The following ARHGAP10 variants were observed in gnomAD, a reference collection of about 807,000 sequenced individuals.
ARHGAP10 encodes the protein Rho GTPase activating protein 10, also known as rho GTPase-activating protein 10.
A neutral mutation model predicts 108.6 loss-of-function variants in ARHGAP10; 87 were observed. The observed-to-expected ratio is 0.80, with a 90% CI of 0.67 to 0.96. The LOEUF (loss-of-function observed/expected upper bound fraction) is 0.96. Among genes scored for constraint, ARHGAP10 ranks in the 40% least tolerant of loss-of-function variants. The pLI is 0.00. For synonymous variants in ARHGAP10, 347 were observed against 341.1 expected, an observed-to-expected ratio of 1.02 and a Z score of -0.19; for missense variants, 939 against 954.5, an observed-to-expected ratio of 0.98 and a Z score of 0.21.
chr4:147,952,912 T>C (rs78854719), intron 15 of ARHGAP10, among the ~76,000 whole-genome samples: 2,509 of 152,126 alleles, frequency 0.016, 53 homozygotes, highest in South Asian at 0.091. Context: ...CTGTGATCCA[T>C]TTTGAGTTAA....
chr4:147,738,782 A>G (rs1728534334), intron 1 of ARHGAP10, among the ~76,000 whole-genome samples: 1 of 152,104 alleles, frequency 6.6e-6, no homozygotes, highest in Non-Finnish European at 1.5e-5. Flanking sequence ...CTAACAGTAT[A>G]TTTCTCCAAA....
chr4:147,779,803 C>T (rs1730456161), intron 1 of ARHGAP10, among the ~76,000 whole-genome samples: 1 of 152,198 alleles, frequency 6.6e-6, no homozygotes, highest in African/African-American at 2.4e-5. Context: ...AATGTTTAAG[C>T]TTTTCATGAT....
In ARHGAP10 at chr4:147,849,656, G is replaced by A. The variant is rs141071171; in HGVS notation, c.384+2434G>A. ...GTAGCCCTTGCCTGAAGCTCTTTCAGTTCCCTGTGCTTTTACCTTCTCCGG... is the reference window on the plus strand; with the variant it reads ...GTAGCCCTTGCCTGAAGCTCTTTCAATTCCCTGTGCTTTTACCTTCTCCGG... On this transcript the variant is annotated intron_variant, in intron 4 of 22. Transcript: ENST00000336498. Among the ~76,000 whole-genome samples, 36 of 152,294 alleles carry A rather than the reference G, an allele frequency of 2.4e-4. No homozygotes were observed. In the East Asian group the frequency reaches 6.2e-3, roughly 26 times the overall value.
intron 20 of ARHGAP10, among the ~76,000 whole-genome samples, chr4:148,057,403 A>G (rs1729410861): frequency 6.6e-6 from 1 of 152,128 alleles, no homozygotes; most frequent in Non-Finnish European, 1.5e-5. Context: ...AGGGTCTGAG[A>G]TCTGTGCTGT....
rs528129509 is a variant in ARHGAP10 at position 148,041,886 on chromosome 4, C to T, written c.1868-5006C>T. Among the ~76,000 whole-genome samples, 27 of 152,338 alleles carry T rather than the reference C, an allele frequency of 1.8e-4. 2 individuals are homozygous for T. The South Asian group carries it at 5.6e-3, about 32-fold the overall frequency. On this transcript the variant is annotated intron_variant, in intron 19 of 22. Coordinates refer to ENST00000336498, the MANE Select transcript of ARHGAP10 (RefSeq NM_024605.4). ...CAATATTGCTTTAAAGAAAAGCCAG[C>T]TCTCTTGGCCGGGAGATCCCTCAAC...
intron 1 of ARHGAP10, among the ~76,000 whole-genome samples, chr4:147,753,833 G>C (rs968286661): frequency 6.6e-6 from 1 of 152,134 alleles, no homozygotes; most frequent in African/African-American, 2.4e-5. Flanking sequence ...GAGTATTGAG[G>C]CTGCACCGTT....
In ARHGAP10 at chr4:147,732,209, C is replaced by T; in HGVS notation, c.-93C>T. On this transcript the variant is annotated 5_prime_UTR_variant, in exon 1 of 23. Transcript: ENST00000336498. ...GGGCCTGCTAGCTCCTCTGTGCTCC[C>T]TGAACGCGCGGCGCCGCACCTGGCA... is the stretch of plus-strand genomic sequence containing the variant. The T allele has an allele frequency of 2.2e-6, 3 of 1,338,044 alleles. No individual in the cohort carries two copies. Among genetic ancestry groups the T allele is most frequent in the Non-Finnish European group, 2.9e-6 (3 of 1,031,296 alleles). 82.9% of individuals were successfully genotyped at this position (1,338,044 alleles called of 1,614,324 possible).
intron 12 of ARHGAP10, among the ~76,000 whole-genome samples, chr4:147,911,613 T>A (rs371331178): frequency 6.9e-6 from 1 of 145,776 alleles, no homozygotes; most frequent in East Asian, 2.0e-4. Flanking sequence ...CCGCCCACCT[T>A]GGCCTCCCAA....
intron 7 of ARHGAP10, among the ~76,000 whole-genome samples, chr4:147,867,939 T>A (rs1579136238): frequency 9.0e-6 from 1 of 111,580 alleles, no homozygotes; most frequent in African/African-American, 2.9e-5. Flanking sequence ...TTTTTTTTTT[T>A]TATGTACAGT....
chr4:147,889,112 G>T (rs1329057085), intron 10 of ARHGAP10, among the ~76,000 whole-genome samples: 7 of 152,178 alleles, frequency 4.6e-5, no homozygotes, highest in African/African-American at 1.7e-4. Flanking sequence ...TTGCTCAAAA[G>T]TGACTGAACT....
intron 18 of ARHGAP10, among the ~76,000 whole-genome samples, chr4:147,976,953 T>C (rs1247403085): frequency 6.6e-6 from 1 of 152,198 alleles, no homozygotes. Flanking sequence ...AGGTGAGTTT[T>C]TGATTCACTA....
chr4:147,850,280 G>C (rs2126822131), intron 4 of ARHGAP10, among the ~76,000 whole-genome samples: 1 of 152,334 alleles, frequency 6.6e-6, no homozygotes, highest in South Asian at 2.1e-4. Context: ...CGTGGACGGG[G>C]CCAAGTAAGG....
At chr4:148,071,936 C>T in intron 22 of ARHGAP10, 57 bp from the exon 23 acceptor site, 1 of 1,487,970 alleles carries the variant, frequency 6.7e-7, no homozygotes, top group Non-Finnish European at 9.3e-7. Flanking sequence ...AAGTGAACAC[C>T]CAGGAGGCAA....
At chr4:147,959,736 A>G (rs756234733) in intron 16 of ARHGAP10, among the ~76,000 whole-genome samples, 7 of 152,168 alleles carry the variant, frequency 4.6e-5, no homozygotes, top group Non-Finnish European at 8.8e-5. Flanking sequence ...CATGGTGTGT[A>G]TGTGCCACAT....
At chr4:147,831,752 A>G (rs1333096645) in intron 3 of ARHGAP10, among the ~76,000 whole-genome samples, 2 of 152,224 alleles carry the variant, frequency 1.3e-5, no homozygotes, top group Non-Finnish European at 2.9e-5. Flanking sequence ...TTTTTCAGGA[A>G]TGTACCGTTT....
chr4:147,848,056 T>A (rs933356824), intron 4 of ARHGAP10, among the ~76,000 whole-genome samples: 1 of 151,038 alleles, frequency 6.6e-6, no homozygotes. Flanking sequence ...TTTTTATATT[T>A]GTATTTTTTT....
intron 10 of ARHGAP10, among the ~76,000 whole-genome samples, chr4:147,899,262 G>A (rs143176775): frequency 6.6e-6 from 1 of 152,004 alleles, no homozygotes; most frequent in African/African-American, 2.4e-5. Flanking sequence ...TGTCTGTGAT[G>A]GTTTCCTCTT....
rs370541915 is a variant in ARHGAP10 at position 147,864,871 on chromosome 4, G to A, written c.512G>A (p.Arg171Gln). ...GCAGATATCCAAGTAGAGCAGAACCGGCAACACTTCTATGAACTGTCTCTC... is the reference window on the plus strand; with the variant it reads ...GCAGATATCCAAGTAGAGCAGAACCAGCAACACTTCTATGAACTGTCTCTC... ...QEADIQVEQN[R>Q]QHFYELSLEY... Residue 171 changes from arginine (R) to glutamine (Q), a missense_variant, in exon 6 of 23, where the codon CGG (arginine) becomes CAG (glutamine). Physicochemically the swap from Arg to Gln is conservative, Grantham distance 43. Transcript: ENST00000336498. 6.2e-6 allele frequency: 10 copies of A among 1,613,714 alleles called. No individual in the cohort carries two copies. In the African/African-American group the frequency reaches 8.0e-5, roughly 13 times the overall value.
chr4:147,810,713 G>C (rs1731982330), intron 1 of ARHGAP10, among the ~76,000 whole-genome samples: 1 of 152,112 alleles, frequency 6.6e-6, no homozygotes, highest in African/African-American at 2.4e-5. Flanking sequence ...AGTGCCTTAG[G>C]GTATGGTGAG....
Sources: gnomAD v4.1 joint callset for allele counts (sites outside exome capture counted in the v4.1 genomes callset) on GRCh38, gnomAD v4.1.1 for gene constraint, MANE v1.5 for transcripts, NCBI Gene and HGNC (gene_info 2026-07-23, HGNC 2026-07-21) for gene names.